Variants in ARHGEF38 observed in about 807,000 individuals in gnomAD.
ARHGEF38 encodes the protein Rho guanine nucleotide exchange factor (GEF) 38.
Under a neutral mutation model 79.9 loss-of-function variants are expected in ARHGEF38, and 79 were observed. The observed-to-expected ratio is 0.99, with a 90% confidence interval of 0.82 to 1.19. The LOEUF (loss-of-function observed/expected upper bound fraction) is 1.19, where lower values mean the gene tolerates loss of function less well. Among genes scored for constraint, ARHGEF38 ranks in the 50% most tolerant of loss-of-function variants. The pLI is 0.00. For synonymous variants in ARHGEF38, 366 were observed against 328.3 expected, an observed-to-expected ratio of 1.11 and a Z score of -1.24; for missense variants, 962 against 907.2, an observed-to-expected ratio of 1.06 and a Z score of -0.78.
At chr4:105,636,240 G>T (rs1380270267) in intron 4 of ARHGEF38, among the ~76,000 whole-genome samples, 163 bp from the exon 5 acceptor site, 1 of 151,838 alleles carries the variant, frequency 6.6e-6, no homozygotes, top group African/African-American at 2.4e-5. Flanking sequence ...TTCTTTATTT[G>T]TTAGGGACAT....
At chr4:105,601,595 G>A (rs1478060789) in intron 2 of ARHGEF38, among the ~76,000 whole-genome samples, 1 of 152,076 alleles carries the variant, frequency 6.6e-6, no homozygotes, top group African/African-American at 2.4e-5. Context: ...ATTGTCCTAT[G>A]GGAGGAGTAT....
At chr4:105,594,501 G>A (rs188526766) in intron 2 of ARHGEF38, among the ~76,000 whole-genome samples, 42 of 152,258 alleles carry the variant, frequency 2.8e-4, no homozygotes, top group African/African-American at 9.1e-4. Context: ...GAGAATTTGG[G>A]TATCATCGGA....
In ARHGEF38 at chr4:105,602,244, T is replaced by A. The variant is rs142926236; in HGVS notation, c.385-11140T>A. Among the ~76,000 whole-genome samples, 18 of 152,232 alleles carry A rather than the reference T, an allele frequency of 1.2e-4. No homozygotes were observed. In the East Asian group the frequency reaches 3.5e-3, roughly 29 times the overall value. ...GTTAATTCCTTTTGATAGTAGCAGA[T>A]GGTCCTTATAAAAATAAAAATAACT... is the stretch of plus-strand genomic sequence containing the variant. On this transcript the variant is annotated intron_variant, in intron 2 of 13. Transcript: ENST00000420470.
At chr4:105,601,479 G>T (rs546072885) in intron 2 of ARHGEF38, among the ~76,000 whole-genome samples, 1 of 152,148 alleles carries the variant, frequency 6.6e-6, no homozygotes, top group Non-Finnish European at 1.5e-5. Context: ...ACAGGGAAAT[G>T]AGACAGAGAA....
chr4:105,614,162 T>TA (rs774887784), intron 3 of ARHGEF38, among the ~76,000 whole-genome samples: 7 of 152,306 alleles, frequency 4.6e-5, no homozygotes, highest in Middle Eastern at 3.4e-3. Flanking sequence ...TCCAAGGGAA[T>TA]ATGTGCTATG....
chr4:105,669,816 C>T (rs1045968253), intron 13 of ARHGEF38, among the ~76,000 whole-genome samples: 18 of 152,158 alleles, frequency 1.2e-4, no homozygotes, highest in Admixed American at 6.5e-4. Context: ...CCCCTAACCC[C>T]AGGGAACCAC....
At chr4:105,559,982 G>A (rs1447858481) in intron 1 of ARHGEF38, among the ~76,000 whole-genome samples, 1 of 152,120 alleles carries the variant, frequency 6.6e-6, no homozygotes, top group Non-Finnish European at 1.5e-5. Context: ...TTGGGTTTGA[G>A]ATGTCACATG....
intron 9 of ARHGEF38, among the ~76,000 whole-genome samples, chr4:105,658,268 G>A (rs1730417904): frequency 6.6e-6 from 1 of 152,128 alleles, no homozygotes; most frequent in Non-Finnish European, 1.5e-5. Flanking sequence ...AATTAGCCAA[G>A]CGTGGTGATA....
intron 1 of ARHGEF38, among the ~76,000 whole-genome samples, chr4:105,576,965 A>G (rs566372623): frequency 1.3e-5 from 2 of 152,254 alleles, no homozygotes; most frequent in East Asian, 3.9e-4. Context: ...GGTATGAAAC[A>G]CACTTGACCA....
intron 1 of ARHGEF38, among the ~76,000 whole-genome samples, chr4:105,583,863 T>C (rs1037989890): frequency 9.2e-5 from 14 of 152,196 alleles, no homozygotes; most frequent in African/African-American, 3.1e-4. Context: ...GGATGCTATT[T>C]TTTTTTCTAT....
intron 2 of ARHGEF38, 146 bp from the exon 3 acceptor site, chr4:105,613,238 C>T: frequency 9.5e-7 from 1 of 1,053,770 alleles, no homozygotes; most frequent in Non-Finnish European, 1.3e-6. Flanking sequence ...AAAAAAACTG[C>T]ACTCTAGAAT....
chr4:105,561,408 T>C lies in ARHGEF38; in HGVS notation c.196+8447T>C, dbSNP rs1346150134. 1.6e-4 allele frequency among the ~76,000 whole-genome samples: 5 copies of C among 32,164 alleles called. 1 individual carries two copies. In the South Asian group the frequency reaches 2.6e-3, roughly 17 times the overall value. The allele number at this position is 32,164 out of a possible 152,430, so 21.1% of individuals were successfully genotyped here. A position where few individuals can be genotyped will look rare whatever the true frequency, so the allele number is the denominator to read the frequency against. On this transcript the variant is annotated intron_variant, in intron 1 of 13. Transcript: ENST00000420470. ...TCAAAAATAGAGTAGAATAATAGAA[T>C]AGAATAGAATAGAATGGAATAGAAT...
intron 1 of ARHGEF38, among the ~76,000 whole-genome samples, chr4:105,580,158 C>CA (rs1164188557): frequency 2.0e-5 from 3 of 151,662 alleles, no homozygotes; most frequent in African/African-American, 2.4e-5. Context: ...TTAATTTTTT[C>CA]AAAAAAACTA....
Position 105,678,813 on chromosome 4 carries a change from G to C in ARHGEF38, c.*876G>C, listed in dbSNP as rs1356467318. ...CCAGGGCTTTTTTCTTTCTTTTCTT[G>C]TTGTTTTTTTTTTTTTTTAAAGAGA... On this transcript the variant is annotated 3_prime_UTR_variant, in exon 14 of 14. Transcript: ENST00000420470. 7.3e-6 allele frequency: 1 copy of C among 137,084 alleles called. No individual in the cohort carries two copies. The highest frequency in any genetic ancestry group is 2.8e-5 in the African/African-American group (1 of 35,460). The allele number at this position is 137,084 out of a possible 1,614,324, so 8.5% of individuals were successfully genotyped here. A position where few individuals can be genotyped will look rare whatever the true frequency, so the allele number is the denominator to read the frequency against.
chr4:105,559,704 G>T (rs1424911129), intron 1 of ARHGEF38, among the ~76,000 whole-genome samples: 3 of 151,728 alleles, frequency 2.0e-5, no homozygotes, highest in Non-Finnish European at 4.4e-5. Flanking sequence ...TGGTATGCTG[G>T]CCTCCATCTG....
chr4:105,575,413 T>C (rs1726449157), intron 1 of ARHGEF38, among the ~76,000 whole-genome samples: 2 of 152,158 alleles, frequency 1.3e-5, no homozygotes, highest in African/African-American at 4.8e-5. Context: ...ATTACTGATG[T>C]TGAGCATTTT....
At chr4:105,658,471 C>G (rs1247943574) in intron 9 of ARHGEF38, among the ~76,000 whole-genome samples, 1 of 151,986 alleles carries the variant, frequency 6.6e-6, no homozygotes, top group Non-Finnish European at 1.5e-5. Context: ...GATTAAAATA[C>G]CTTTATTAAG....
intron 2 of ARHGEF38, 122 bp from the exon 3 acceptor site, chr4:105,613,262 T>C: frequency 8.2e-7 from 1 of 1,222,390 alleles, no homozygotes; most frequent in Non-Finnish European, 1.1e-6. Flanking sequence ...TAAATAAGAA[T>C]GTTAACAGAA....
chr4:105,675,545 A>G (rs747429264), intron 13 of ARHGEF38, among the ~76,000 whole-genome samples: 16 of 152,154 alleles, frequency 1.1e-4, no homozygotes, highest in African/African-American at 2.9e-4. Context: ...AAATATTTGA[A>G]TATTCCTACT....
Sources: gnomAD v4.1 joint callset for allele counts (sites outside exome capture counted in the v4.1 genomes callset) on GRCh38, gnomAD v4.1.1 for gene constraint, MANE v1.5 for transcripts, NCBI Gene and HGNC (gene_info 2026-07-23, HGNC 2026-07-21) for gene names.